PACSIN1: variants seen among roughly 807,000 people sequenced by gnomAD.
PACSIN1 encodes the protein protein kinase C and casein kinase substrate in neurons protein 1.
Under a neutral mutation model 59.5 loss-of-function variants are expected in PACSIN1, and 15 were observed. The ratio of observed to expected loss-of-function variants is 0.25; its 90% CI spans 0.17 to 0.39. PACSIN1 has a LOEUF of 0.39. Among genes scored for constraint, PACSIN1 ranks in the 10% least tolerant of loss-of-function variants. The probability of loss-of-function intolerance (pLI) is 1.00; values close to 1 mark genes in which losing one functional copy is unlikely to be tolerated. For missense variants in PACSIN1, 420 were observed against 580.2 expected (o/e 0.72, Z 2.84); for synonymous variants, 210 against 220.6 (o/e 0.95, Z 0.42).
intron 1 of PACSIN1, chr6:34,485,029 T>G (rs938501224): frequency 3.9e-5 from 6 of 151,954 alleles, no homozygotes; most frequent in African/African-American, 1.5e-4. Flanking sequence ...TAGCCCCGAC[T>G]CAGGGAAGAG....
chr6:34,476,531 C>A (rs757812229), intron 1 of PACSIN1, among the ~76,000 whole-genome samples: 1 of 152,144 alleles, frequency 6.6e-6, no homozygotes, highest in Non-Finnish European at 1.5e-5. Context: ...GATGACTGGC[C>A]GCCATCTCAC....
rs370531481 is a variant in PACSIN1 at position 34,476,760 on chromosome 6, G to A, written c.-64+10490G>A. ...GTAAGCTGCAAAGCTGGCTTGGCTTGGCTTGGGGGCCCCTGGACAGGGCCG... is the reference window on the plus strand; with the variant it reads ...GTAAGCTGCAAAGCTGGCTTGGCTTAGCTTGGGGGCCCCTGGACAGGGCCG... On this transcript the variant is annotated intron_variant, in intron 1 of 9. Coordinates refer to ENST00000244458, the MANE Select transcript of PACSIN1 (RefSeq NM_020804.5). 8.5e-5 allele frequency among the ~76,000 whole-genome samples: 13 copies of A among 152,308 alleles called. No homozygotes were observed. The South Asian group carries it at 2.3e-3, about 27-fold the overall frequency.
rs557568504 is a variant in PACSIN1, at chr6:34,521,844, G to A, written c.-63-4399G>A. Among the ~76,000 whole-genome samples the A allele has an allele frequency of 2.5e-4, 38 of 152,246 alleles. No homozygotes were observed. Among genetic ancestry groups the A allele is most frequent in the Admixed American group, 5.9e-4 (9 of 15,298 alleles). On this transcript the variant is annotated intron_variant, in intron 1 of 9. Transcript: ENST00000244458. This position sits in a 1 kb window ranked among gnomAD's most constrained non-coding sequence, Gnocchi z 4.3. ...AACAGCCCATTTTACAGATGCGGAC[G>A]CCGAGGCCTGGGAAGAGGGAGAGAG...
At chr6:34,495,976 C>T (rs893487550) in intron 1 of PACSIN1, among the ~76,000 whole-genome samples, 3 of 152,168 alleles carry the variant, frequency 2.0e-5, no homozygotes, top group Non-Finnish European at 2.9e-5. Context: ...TGTTTACAGG[C>T]CCCTTATCCT....
intron 1 of PACSIN1, among the ~76,000 whole-genome samples, chr6:34,487,875 C>T (rs1278928939): frequency 6.6e-6 from 1 of 152,160 alleles, no homozygotes; most frequent in Non-Finnish European, 1.5e-5. Flanking sequence ...GGTGGCAAAC[C>T]TACAGCATCC....
intron 1 of PACSIN1, among the ~76,000 whole-genome samples, chr6:34,517,256 A>G (rs1767309529): frequency 6.6e-6 from 1 of 151,794 alleles, no homozygotes; most frequent in East Asian, 1.9e-4. Flanking sequence ...TCCTTCTAAC[A>G]TTACCTCCTC....
chr6:34,517,716 C>T (rs1767317518), intron 1 of PACSIN1, among the ~76,000 whole-genome samples: 1 of 150,842 alleles, frequency 6.6e-6, no homozygotes, highest in African/African-American at 2.4e-5. Context: ...TAAAAAAGCA[C>T]AACTCCTCGC....
chr6:34,471,134 G>C (rs1766566265), intron 1 of PACSIN1, among the ~76,000 whole-genome samples: 1 of 152,146 alleles, frequency 6.6e-6, no homozygotes, highest in African/African-American at 2.4e-5. Context: ...TTTTAGTAGA[G>C]ATGGGGTTTC....
chr6:34,503,096 C>G (rs910199172), intron 1 of PACSIN1, among the ~76,000 whole-genome samples: 113 of 151,902 alleles, frequency 7.4e-4, no homozygotes, highest in African/African-American at 2.5e-3. Context: ...GACACTATCA[C>G]TACAAAAAAA....
intron 2 of PACSIN1, among the ~76,000 whole-genome samples, chr6:34,526,710 G>A (rs1767490704): frequency 6.6e-6 from 1 of 152,224 alleles, no homozygotes; most frequent in Non-Finnish European, 1.5e-5. Context: ...CCCATCCTGA[G>A]GTGGGCAGGG....
intron 1 of PACSIN1, among the ~76,000 whole-genome samples, chr6:34,503,287 GA>G (rs1237791271): frequency 6.6e-6 from 1 of 150,448 alleles, no homozygotes; most frequent in Non-Finnish European, 1.5e-5. Context: ...AAAAGAAAAA[GA>G]AAAAGAAAAA....
At chr6:34,512,325 C>T (rs1001759987) in intron 1 of PACSIN1, among the ~76,000 whole-genome samples, 2 of 118,518 alleles carry the variant, frequency 1.7e-5, no homozygotes, top group African/African-American at 6.6e-5. Context: ...GTCTGCCTGG[C>T]AGCAGATGGG....
chr6:34,525,365 C>T lies in PACSIN1; in HGVS notation c.-63-878C>T, dbSNP rs571388197. Among the ~76,000 whole-genome samples the T allele has an allele frequency of 6.6e-6, 1 of 152,242 alleles. No individual in the cohort carries two copies. Among genetic ancestry groups the T allele is most frequent in the Admixed American group, 6.5e-5 (1 of 15,294 alleles). On this transcript the variant is annotated intron_variant, in intron 1 of 9. Transcript: ENST00000244458. This position sits in a 1 kb window ranked among gnomAD's most constrained non-coding sequence, Gnocchi z 4.9. ...CAACCATTCTTACGTGTTATTGCCC[C>T]TGCCCTGAGCCTGAGAGCCAACTGC...
intron 1 of PACSIN1, among the ~76,000 whole-genome samples, chr6:34,511,804 G>A (rs1234914472): frequency 6.6e-6 from 1 of 152,200 alleles, no homozygotes. Context: ...ATTTTCCCTG[G>A]CTCTGGGGAA....
In PACSIN1 at chr6:34,497,459, G is replaced by A. The variant is rs1007881349; in HGVS notation, c.-63-28784G>A. Among the ~76,000 whole-genome samples, 5 of 152,112 alleles carry A rather than the reference G, an allele frequency of 3.3e-5. No homozygotes were observed. The East Asian group carries it at 9.6e-4, about 29-fold the overall frequency. ...CACCGTGGAAAGCTTGGGCAGATAGGCTTTCCGCAGAAGTCAGCTGCTGCA... is the reference window on the plus strand; with the variant it reads ...CACCGTGGAAAGCTTGGGCAGATAGACTTTCCGCAGAAGTCAGCTGCTGCA... On this transcript the variant is annotated intron_variant, in intron 1 of 9. Coordinates refer to ENST00000244458, the MANE Select transcript of PACSIN1 (RefSeq NM_020804.5).
chr6:34,488,785 C>G lies in PACSIN1; in HGVS notation c.-64+22515C>G, dbSNP rs1554168292. ...TTGTTGCCCAGGCTGGTCTTGAGCTCCTGGGCTCAAGCAATCCTCCCTCCT... is the reference window on the plus strand; with the variant it reads ...TTGTTGCCCAGGCTGGTCTTGAGCTGCTGGGCTCAAGCAATCCTCCCTCCT... On this transcript the variant is annotated intron_variant, in intron 1 of 9. Transcript: ENST00000244458. The surrounding 1 kb of genome is among the most constrained non-coding windows in gnomAD (Gnocchi z 4.7). Among the ~76,000 whole-genome samples, 1 of 152,092 alleles carries G rather than the reference C, an allele frequency of 6.6e-6. No individual in the cohort carries two copies. Among genetic ancestry groups the G allele is most frequent in the Non-Finnish European group, 1.5e-5 (1 of 68,008 alleles).
At chr6:34,510,737 C>T (rs80254589) in intron 1 of PACSIN1, among the ~76,000 whole-genome samples, 10,357 of 152,276 alleles carry the variant, frequency 0.068, 439 homozygotes, top group Non-Finnish European at 0.091. Context: ...TATTTTGAGA[C>T]AGAGTCTCGC....
intron 1 of PACSIN1, among the ~76,000 whole-genome samples, chr6:34,492,210 T>TTA (rs1766887934): frequency 7.0e-6 from 1 of 143,506 alleles, no homozygotes; most frequent in Admixed American, 7.1e-5. Flanking sequence ...TTTTTTTTTT[T>TTA]TTTTTTTTTG....
At chr6:34,495,856 A>G (rs907975499) in intron 1 of PACSIN1, among the ~76,000 whole-genome samples, 5 of 152,212 alleles carry the variant, frequency 3.3e-5, no homozygotes, top group African/African-American at 1.2e-4. Context: ...TTTCTAAAGG[A>G]GAGATTACTC....
Sources: allele counts gnomAD v4.1 joint callset (sites outside exome capture counted in the v4.1 genomes callset), GRCh38; gene constraint gnomAD v4.1.1; non-coding constraint Gnocchi (gnomAD v3.1); transcripts MANE v1.5; gene names NCBI Gene and HGNC (gene_info 2026-07-23, HGNC 2026-07-21).